Variants in PANK2 observed in about 807,000 individuals in gnomAD.
PANK2 encodes pantothenate kinase 2.
In PANK2, 36 loss-of-function variants were observed where a neutral mutation model predicts 43.1. The observed-to-expected ratio is 0.84, with a 90% CI of 0.64 to 1.10. The LOEUF is 1.10. PANK2 is among the 50% of genes least tolerant of loss of function. PANK2 has a pLI of 0.00. For missense variants in PANK2, 576 were observed against 593.3 expected, an observed-to-expected ratio of 0.97 and a Z score of 0.30; for synonymous variants, 281 against 238.2, an observed-to-expected ratio of 1.18 and a Z score of -1.66.
At chr20:3,896,785 C>T (rs1400820874) in intron 1 of PANK2, among the ~76,000 whole-genome samples, 1 of 152,166 alleles carries the variant, frequency 6.6e-6, no homozygotes. Flanking sequence ...GTGTCCCTCC[C>T]CTATACTGTG....
Position 3,923,504 on chromosome 20 carries a change from A to G in PANK2, c.*210A>G. 1.7e-6 allele frequency: 1 copy of G among 604,470 alleles called. No homozygotes were observed. 37.4% of individuals were successfully genotyped at this position (604,470 alleles called of 1,614,324 possible). On this transcript the variant is annotated 3_prime_UTR_variant, in exon 7 of 7. Transcript: ENST00000610179. ...AAAAATATATTAAAAACAACAAAAA[A>G]GTGGCACATGTCCAGGCAGTGTGAG...
Position 3,925,727 on chromosome 20 carries a change from A to G in PANK2, c.*2433A>G, listed in dbSNP as rs1181994870. The G allele has an allele frequency of 6.6e-6, 1 of 152,232 alleles. No individual in the cohort carries two copies. Among genetic ancestry groups the G allele is most frequent in the Non-Finnish European group, 1.5e-5 (1 of 68,102 alleles). The allele number at this position is 152,232 out of a possible 1,614,324, so 9.4% of individuals were successfully genotyped here. On this transcript the variant is annotated 3_prime_UTR_variant, in exon 7 of 7. Transcript: ENST00000610179. ...TCAGCCTCAGTCCTGGGTCTCCCCA[A>G]GCAGTCATTAGCATCACCTTGACTG...
At chr20:3,892,126 A>G (rs1600486017) in intron 1 of PANK2, among the ~76,000 whole-genome samples, 1 of 152,146 alleles carries the variant, frequency 6.6e-6, no homozygotes, top group South Asian at 2.1e-4. Context: ...ACCTGAGGTC[A>G]GGAGTTCGAG....
At chr20:3,908,809 T>G in intron 2 of PANK2, 1 of 168,524 alleles carries the variant, frequency 5.9e-6, no homozygotes, top group Non-Finnish European at 1.3e-5. Context: ...TGTTCTGTGC[T>G]GCACACTTAA....
intron 1 of PANK2, among the ~76,000 whole-genome samples, chr20:3,896,250 T>TTTTTTTTTG (rs1164849334): frequency 1.8e-5 from 2 of 110,606 alleles, no homozygotes; most frequent in African/African-American, 6.3e-5. Context: ...TTTTTTTTTT[T>TTTTTTTTTG]TGTATTTTTA....
At position 3,923,425 on chromosome 20, in the gene PANK2, T is replaced by TTAGAAAAATACA; in HGVS notation, c.*131_*132insTAGAAAAATACA. The TTAGAAAAATACA allele has an allele frequency of 1.0e-6, 1 of 986,128 alleles. No individual in the cohort carries two copies. Among genetic ancestry groups the TTAGAAAAATACA allele is most frequent in the East Asian group, 2.4e-5 (1 of 41,130 alleles). The allele number at this position is 986,128 out of a possible 1,614,324, so 61.1% of individuals were successfully genotyped here. A position where few individuals can be genotyped will look rare whatever the true frequency, so the allele number is the denominator to read the frequency against. On this transcript the variant is annotated 3_prime_UTR_variant, in exon 7 of 7. Coordinates refer to ENST00000610179, the MANE Select transcript of PANK2 (RefSeq NM_001386393.1). ...GTGAGAAAGGACAGGTGTATTTTTC[T>TTAGAAAAATACA]AAGTCATCAAGATAAATCCTTAAGA... is the stretch of plus-strand genomic sequence containing the variant.
intron 1 of PANK2, among the ~76,000 whole-genome samples, chr20:3,896,744 A>C (rs2090215743): frequency 6.6e-6 from 1 of 152,190 alleles, no homozygotes; most frequent in Non-Finnish European, 1.5e-5. Context: ...AGGTTCCAGG[A>C]GGGTGCAGTG....
At chr20:3,920,880 A>G (rs1409244846) in intron 6 of PANK2, among the ~76,000 whole-genome samples, 1 of 152,126 alleles carries the variant, frequency 6.6e-6, no homozygotes, top group Non-Finnish European at 1.5e-5. Flanking sequence ...CGATATCATC[A>G]TAATAGTTAT....
intron 6 of PANK2, among the ~76,000 whole-genome samples, chr20:3,920,033 T>C (rs1282645510): frequency 6.6e-6 from 1 of 152,220 alleles, no homozygotes; most frequent in Non-Finnish European, 1.5e-5. Flanking sequence ...CAGCACCGAA[T>C]TGCCATTAAG....
At chr20:3,890,000 C>CTTGG in intron 1 of PANK2, 1 of 1,297,894 alleles carries the variant, frequency 7.7e-7, no homozygotes, top group South Asian at 1.3e-5. Flanking sequence ...TTCTTAGCTC[C>CTTGG]TTGGGCATTC....
At chr20:3,911,853 G>T (rs912145518) in intron 3 of PANK2, among the ~76,000 whole-genome samples, 8 of 151,736 alleles carry the variant, frequency 5.3e-5, no homozygotes, top group Non-Finnish European at 8.8e-5. Context: ...TCGTGCCATT[G>T]TACTCTAGCC....
rs2090721521 is a variant in PANK2, at chr20:3,926,470, G to A, written c.*3176G>A. On this transcript the variant is annotated 3_prime_UTR_variant, in exon 7 of 7. Coordinates refer to ENST00000610179, the MANE Select transcript of PANK2 (RefSeq NM_001386393.1). ...TCGTGGCTGGCCTTGATGGAAGCTGGGAAGCCACTCGGTCCTAGTGAGGGG... is the reference window on the plus strand; with the variant it reads ...TCGTGGCTGGCCTTGATGGAAGCTGAGAAGCCACTCGGTCCTAGTGAGGGG... 1 of 152,302 alleles carries A rather than the reference G, an allele frequency of 6.6e-6. No individual in the cohort carries two copies. Among genetic ancestry groups the A allele is most frequent in the South Asian group, 2.1e-4 (1 of 4,840 alleles). The allele number at this position is 152,302 out of a possible 1,614,324, so 9.4% of individuals were successfully genotyped here. A position where few individuals can be genotyped will look rare whatever the true frequency, so the allele number is the denominator to read the frequency against.
Position 3,915,289 on chromosome 20 carries a change from G to T in PANK2, c.1083-1638G>T, listed in dbSNP as rs192451235. Among the ~76,000 whole-genome samples the T allele has an allele frequency of 1.6e-3, 242 of 151,956 alleles. 1 individual carries two copies. Among genetic ancestry groups the T allele is most frequent in the African/African-American group, 5.6e-3 (232 of 41,442 alleles). On this transcript the variant is annotated intron_variant, in intron 4 of 6. Transcript: ENST00000610179. Reference sequence around the variant, plus strand: ...TTAGCTCATATATATATATGTGTGTGTGTGTATTTTTTTCTTTTTTTCTTT... The same window carrying T: ...TTAGCTCATATATATATATGTGTGTTTGTGTATTTTTTTCTTTTTTTCTTT...
In PANK2 at chr20:3,910,574, C is replaced by G; in HGVS notation, c.652-3C>G. On this transcript the variant is annotated splice_region_variant and splice_polypyrimidine_tract_variant and intron_variant, in intron 2 of 6. Coordinates refer to ENST00000610179, the MANE Select transcript of PANK2 (RefSeq NM_001386393.1). ...GTCTGAGTACATTCTTATTTCATTA[C>G]AGATAGGTGATCTTCAGCTTTGCAA... 2 of 1,614,002 alleles carry G rather than the reference C, an allele frequency of 1.2e-6. No individual in the cohort carries two copies. Among genetic ancestry groups the G allele is most frequent in the Non-Finnish European group, 1.7e-6 (2 of 1,179,972 alleles).
At chr20:3,918,464 T>C (rs2090597055) in intron 5 of PANK2, among the ~76,000 whole-genome samples, 1 of 152,172 alleles carries the variant, frequency 6.6e-6, no homozygotes, top group Non-Finnish European at 1.5e-5. Context: ...TCTGTTTTCT[T>C]CTCCTGTGAC....
chr20:3,918,826 A>G, intron 6 of PANK2, 30 bp downstream of exon 6: 1 of 1,614,094 alleles, frequency 6.2e-7, no homozygotes, highest in African/African-American at 1.3e-5. Context: ...GTGGTATATT[A>G]TGTACACAGA....
intron 1 of PANK2, among the ~76,000 whole-genome samples, chr20:3,904,602 G>C (rs1198949499): frequency 6.6e-6 from 1 of 152,096 alleles, no homozygotes; most frequent in Non-Finnish European, 1.5e-5. Flanking sequence ...AAAATAAATA[G>C]AAACAGTTTT....
Position 3,925,398 on chromosome 20 carries a change from T to G in PANK2, c.*2104T>G, listed in dbSNP as rs546145739. 5.2e-5 allele frequency: 8 copies of G among 152,430 alleles called. No homozygotes were observed. Among genetic ancestry groups the G allele is most frequent in the African/African-American group, 1.7e-4 (7 of 41,580 alleles). The allele number at this position is 152,430 out of a possible 1,614,324, so 9.4% of individuals were successfully genotyped here. On this transcript the variant is annotated 3_prime_UTR_variant, in exon 7 of 7. Transcript: ENST00000610179. The stretch of plus-strand genomic sequence containing the variant: ...ACAGGCATGTGCCACCATGGCTGGC[T>G]AATTTTTATATTTTTAGTAGAGATG...
At chr20:3,899,297 A>C (rs1229493830) in intron 1 of PANK2, among the ~76,000 whole-genome samples, 1 of 150,990 alleles carries the variant, frequency 6.6e-6, no homozygotes, top group Non-Finnish European at 1.5e-5. Context: ...TCAGGCTCCC[A>C]AGTAGCTGGG....
Sources: allele counts gnomAD v4.1 joint callset (sites outside exome capture counted in the v4.1 genomes callset), GRCh38; gene constraint gnomAD v4.1.1; transcripts MANE v1.5; gene names NCBI Gene and HGNC (gene_info 2026-07-23, HGNC 2026-07-21).